The following ZNF462 variants were observed in gnomAD, a reference collection of about 807,000 sequenced individuals.
ZNF462 encodes zinc finger protein 462.
A neutral mutation model predicts 201.9 loss-of-function variants in ZNF462; 10 were observed. The ratio of observed to expected loss-of-function variants is 0.05; its 90% CI spans 0.03 to 0.08. The LOEUF (loss-of-function observed/expected upper bound fraction) is 0.08, where lower values mean the gene tolerates loss of function less well. ZNF462 is among the 10% of genes least tolerant of loss of function. The pLI, the probability that ZNF462 is intolerant of heterozygous loss-of-function variation, is 1.00. For synonymous variants in ZNF462, 1,227 were observed against 1,193.3 expected (o/e 1.03, Z -0.58); for missense variants, 2,523 against 3,168.3 (o/e 0.80, Z 4.89).
At chr9:106,987,256 C>T (rs1827919160) in intron 10 of ZNF462, among the ~76,000 whole-genome samples, 1 of 152,146 alleles carries the variant, frequency 6.6e-6, no homozygotes, top group Non-Finnish European at 1.5e-5. Flanking sequence ...TCCATAGTGG[C>T]TGTACTAGTT....
chr9:106,906,821 A>C (rs911467020), intron 1 of ZNF462, among the ~76,000 whole-genome samples: 5 of 152,252 alleles, frequency 3.3e-5, no homozygotes, highest in Non-Finnish European at 7.3e-5. Flanking sequence ...CCACGCCTAG[A>C]TAATTTACCT....
intron 1 of ZNF462, among the ~76,000 whole-genome samples, chr9:106,898,072 A>G (rs1426844376): frequency 6.6e-6 from 1 of 152,206 alleles, no homozygotes; most frequent in Non-Finnish European, 1.5e-5. Context: ...GATGCATGTT[A>G]TCATCAGTTT....
At position 106,928,895 on chromosome 9, in the gene ZNF462, G is replaced by T. The variant is rs1226211669; in HGVS notation, c.4983G>T (p.Arg1661=). 28 of 1,613,958 alleles carry T rather than the reference G, an allele frequency of 1.7e-5. No homozygotes were observed. Among genetic ancestry groups the T allele is most frequent in the Non-Finnish European group, 2.3e-5 (27 of 1,180,016 alleles). The change falls in exon 3 of 13, where the codon CGG becomes CGT. Residue 1661 remains arginine (R), a synonymous_variant. Transcript: ENST00000277225. The surrounding 1 kb of genome is among the most constrained non-coding windows in gnomAD (Gnocchi z 9.3). The part of the protein sequence containing the change: ...TSHLVSHTVF[R]CQLCKYFCST... The stretch of plus-strand genomic sequence containing the variant: ...ACCTGGTCTCCCACACTGTGTTCCG[G>T]TGCCAGCTCTGCAAGTACTTCTGCT...
chr9:106,883,353 C>A lies in ZNF462; in HGVS notation c.-31+19998C>A, dbSNP rs1217878771. Among the ~76,000 whole-genome samples the A allele has an allele frequency of 6.6e-6, 1 of 152,200 alleles. No individual in the cohort carries two copies. The highest frequency in any genetic ancestry group is 2.4e-5 in the African/African-American group (1 of 41,446). ...TAATAGCGGGAAAGTCAAAGCCTTT[C>A]TAAAGCAGAGACCATATTAATGCTG... On this transcript the variant is annotated intron_variant, in intron 1 of 12. Transcript: ENST00000277225. The surrounding 1 kb of genome is among the most constrained non-coding windows in gnomAD (Gnocchi z 4.9).
chr9:106,986,341 C>T (rs1827829780), intron 10 of ZNF462, among the ~76,000 whole-genome samples: 3 of 152,198 alleles, frequency 2.0e-5, no homozygotes, highest in Admixed American at 1.3e-4. Context: ...CCACCATTTA[C>T]TGTGCATATT....
chr9:106,937,231 TA>T (rs1418647650), intron 6 of ZNF462, among the ~76,000 whole-genome samples: 15 of 152,058 alleles, frequency 9.9e-5, no homozygotes, highest in African/African-American at 3.6e-4. Context: ...AATGAAAAAA[TA>T]GAATAAAGAG....
At chr9:106,922,209 T>C (rs1231337990) in intron 1 of ZNF462, among the ~76,000 whole-genome samples, 1 of 152,210 alleles carries the variant, frequency 6.6e-6, no homozygotes, top group African/African-American at 2.4e-5. Context: ...TAGATTACAG[T>C]GACTCAGTAG....
In ZNF462 at chr9:106,939,132, A is replaced by G. The variant is rs774173642; in HGVS notation, c.6427+25A>G. The G allele has an allele frequency of 2.4e-5, 37 of 1,560,938 alleles. No homozygotes were observed. In the East Asian group the frequency reaches 8.0e-4, roughly 34 times the overall value. On this transcript the variant is annotated intron_variant, in intron 7 of 12. Coordinates refer to ENST00000277225, the MANE Select transcript of ZNF462 (RefSeq NM_021224.6). Reference sequence around the variant, plus strand: ...GGTAAAAATGGGCTTCCAAGCTGGAATTAACCACTCAGGGTTGAGGTGGGC... The same window carrying G: ...GGTAAAAATGGGCTTCCAAGCTGGAGTTAACCACTCAGGGTTGAGGTGGGC...
chr9:106,888,469 T>G (rs1828428966), intron 1 of ZNF462, among the ~76,000 whole-genome samples: 1 of 152,224 alleles, frequency 6.6e-6, no homozygotes, highest in Non-Finnish European at 1.5e-5. Flanking sequence ...GGTAGAGCAG[T>G]CTGTTAACGT....
rs1830251624 is a variant in ZNF462 at position 106,927,605 on chromosome 9, C to A, written c.3693C>A (p.Ala1231=). ...CAGATGTGATCCGGCAGCATACGGC[C>A]ACCATTCGAAGCCTCTGCGACCGAA... is the stretch of plus-strand genomic sequence containing the variant. ...ANADVIRQHT[A]TIRSLCDRNQ... Residue 1231 remains alanine (A), a synonymous_variant, in exon 3 of 13, where the codon GCC becomes GCA. Transcript: ENST00000277225. 2 of 1,613,758 alleles carry A rather than the reference C, an allele frequency of 1.2e-6. No individual in the cohort carries two copies. The highest frequency in any genetic ancestry group is 2.7e-5 in the African/African-American group (2 of 74,836).
At chr9:106,989,587 C>A (rs935262948) in intron 10 of ZNF462, among the ~76,000 whole-genome samples, 1 of 151,934 alleles carries the variant, frequency 6.6e-6, no homozygotes, top group Non-Finnish European at 1.5e-5. Flanking sequence ...CTTTCTCTAT[C>A]TTGTGGGATA....
At chr9:106,944,996 A>G (rs1422558786) in intron 7 of ZNF462, among the ~76,000 whole-genome samples, 1 of 152,168 alleles carries the variant, frequency 6.6e-6, no homozygotes, top group Non-Finnish European at 1.5e-5. Flanking sequence ...TTATGTACAA[A>G]AACAAAGGAA....
chr9:107,010,847 G>A lies in ZNF462; in HGVS notation c.7338G>A (p.Val2446=). Residue 2446 remains valine, a synonymous_variant, in exon 13 of 13, where the codon GTG becomes GTA. Coordinates refer to ENST00000277225, the MANE Select transcript of ZNF462 (RefSeq NM_021224.6). This position sits in a 1 kb window ranked among gnomAD's most constrained non-coding sequence, Gnocchi z 4.6. The part of the protein sequence containing the change: ...HGMALNDTKQ[V]SREEIHPKEI... ...GGGCATTGAATGACACCAAGCAGGT[G>A]AGCAGAGAAGAAATCCACCCAAAAG... The A allele has an allele frequency of 6.2e-7, 1 of 1,613,062 alleles. No individual in the cohort carries two copies. The highest frequency in any genetic ancestry group is 8.5e-7 in the Non-Finnish European group (1 of 1,179,518).
In ZNF462 at chr9:107,011,174, C is replaced by A. The variant is rs1021077416; in HGVS notation, c.*144C>A. 10 of 700,056 alleles carry A rather than the reference C, an allele frequency of 1.4e-5. No homozygotes were observed. The East Asian group carries it at 2.7e-4, about 19-fold the overall frequency. The allele number at this position is 700,056 out of a possible 1,614,324, so 43.4% of individuals were successfully genotyped here. A position where few individuals can be genotyped will look rare whatever the true frequency, so the allele number is the denominator to read the frequency against. ...GACTGAACAATCTATTTTCAAAGCA[C>A]TGGTACCTGTGTGAGTGAGTATGTA... On this transcript the variant is annotated 3_prime_UTR_variant, in exon 13 of 13. Transcript: ENST00000277225. The surrounding 1 kb of genome is among the most constrained non-coding windows in gnomAD (Gnocchi z 5.6).
At chr9:107,001,562 T>C (rs942176390) in intron 10 of ZNF462, among the ~76,000 whole-genome samples, 1 of 152,200 alleles carries the variant, frequency 6.6e-6, no homozygotes, top group Admixed American at 6.5e-5. Context: ...CATTTTCTTA[T>C]GCTATCCCTT....
rs1159883789 is a variant in ZNF462 at position 106,935,973 on chromosome 9, A to G, written c.6235+352A>G. On this transcript the variant is annotated intron_variant, in intron 6 of 12. Coordinates refer to ENST00000277225, the MANE Select transcript of ZNF462 (RefSeq NM_021224.6). The surrounding 1 kb of genome is among the most constrained non-coding windows in gnomAD (Gnocchi z 4.1). ...AAGAATTGTTATATCTATTAAAAAG[A>G]CTTTCCAGCTAAAATAAAGTTACCA... is the stretch of plus-strand genomic sequence containing the variant. Among the ~76,000 whole-genome samples the G allele has an allele frequency of 2.0e-5, 3 of 152,212 alleles. No homozygotes were observed. The highest frequency in any genetic ancestry group is 4.4e-5 in the Non-Finnish European group (3 of 68,042).
rs181460660 is a variant in ZNF462 at position 107,000,177 on chromosome 9, A to T, written c.7057-3117A>T. Among the ~76,000 whole-genome samples the T allele has an allele frequency of 1.4e-3, 211 of 152,144 alleles. 1 individual carries two copies. Among genetic ancestry groups the T allele is most frequent in the Non-Finnish European group, 1.0e-3 (69 of 67,992 alleles). On this transcript the variant is annotated intron_variant, in intron 10 of 12. Transcript: ENST00000277225. ...GAGGCATAGACTCCTCGAGGGCCTGACATATTCCAGGACCTCAGTAAGTTC... is the reference window on the plus strand; with the variant it reads ...GAGGCATAGACTCCTCGAGGGCCTGTCATATTCCAGGACCTCAGTAAGTTC...
chr9:106,989,303 T>C (rs1365555069), intron 10 of ZNF462, among the ~76,000 whole-genome samples: 1 of 152,148 alleles, frequency 6.6e-6, no homozygotes, highest in Non-Finnish European at 1.5e-5. Context: ...GAGCATGCGA[T>C]TTCTGTTTCA....
At chr9:106,957,827 G>T (rs761677440) in intron 7 of ZNF462, among the ~76,000 whole-genome samples, 5 of 152,098 alleles carry the variant, frequency 3.3e-5, no homozygotes, top group Non-Finnish European at 7.4e-5. Flanking sequence ...GGTGGCTGAT[G>T]ATTACACACT....
Sources: allele counts gnomAD v4.1 joint callset (sites outside exome capture counted in the v4.1 genomes callset), GRCh38; gene constraint gnomAD v4.1.1; non-coding constraint Gnocchi (gnomAD v3.1); transcripts MANE v1.5; gene names NCBI Gene and HGNC (gene_info 2026-07-23, HGNC 2026-07-21).